UNC80: variants seen among roughly 807,000 people sequenced by gnomAD.
The protein encoded by UNC80 is protein unc-80 homolog.
UNC80 carries 164 observed loss-of-function variants against 384.6 expected under a neutral mutation model. That is an observed-to-expected ratio of 0.43 (90% confidence interval 0.38 to 0.49). The LOEUF is 0.49. UNC80 is among the 20% of genes least tolerant of loss of function. The probability of loss-of-function intolerance (pLI) is 0.00; values close to 1 mark genes in which losing one functional copy is unlikely to be tolerated. For synonymous variants in UNC80, 1,486 were observed against 1,527.8 expected (o/e 0.97, Z 0.64); for missense variants, 3,330 against 4,143.0 (o/e 0.80, Z 5.39).
intron 51 of UNC80, among the ~76,000 whole-genome samples, chr2:209,959,996 G>A (rs1233884266): frequency 6.6e-6 from 1 of 152,184 alleles, no homozygotes; most frequent in African/African-American, 2.4e-5. Context: ...TTTATCACCT[G>A]AATTCTTAGA....
At chr2:209,828,644 A>G (rs1018749785) in intron 14 of UNC80, among the ~76,000 whole-genome samples, 1 of 152,034 alleles carries the variant, frequency 6.6e-6, no homozygotes, top group Non-Finnish European at 1.5e-5. Context: ...GCCTTCCCTA[A>G]TCTGACTTCA....
chr2:209,995,406 C>G lies in UNC80; in HGVS notation c.9786C>G (p.Leu3262=). The G allele has an allele frequency of 6.4e-7, 1 of 1,551,988 alleles. No individual in the cohort carries two copies. The change falls in exon 65 of 65, where the codon CTC becomes CTG. Residue 3262 remains leucine, a synonymous_variant. Transcript: ENST00000673920. ...EAQGATAHSP[L]SAQLSDPDDF... ...AAGGTGCTACTGCACACAGTCCACTCTCTGCCCAACTCTCTGACCCTGATG... is the reference window on the plus strand; with the variant it reads ...AAGGTGCTACTGCACACAGTCCACTGTCTGCCCAACTCTCTGACCCTGATG...
At chr2:209,799,083 G>T (rs993703113) in intron 7 of UNC80, among the ~76,000 whole-genome samples, 2 of 11,758 alleles carry the variant, frequency 1.7e-4, no homozygotes, top group South Asian at 0.014. Context: ...AATAAAATAA[G>T]TGTTTTTTTT....
intron 64 of UNC80, among the ~76,000 whole-genome samples, chr2:209,994,894 A>G (rs1041782062): frequency 1.3e-5 from 2 of 151,614 alleles, no homozygotes; most frequent in African/African-American, 4.8e-5. Context: ...CTTTTTCCTC[A>G]TTGTTTTGCT....
chr2:209,942,028 A>G (rs1171812872), intron 44 of UNC80, among the ~76,000 whole-genome samples: 1 of 152,094 alleles, frequency 6.6e-6, no homozygotes, highest in Non-Finnish European at 1.5e-5. Context: ...AGACCTTCAA[A>G]TGGTTTTGAT....
At chr2:209,925,469 G>A (rs2090357714) in intron 35 of UNC80, among the ~76,000 whole-genome samples, 1 of 152,220 alleles carries the variant, frequency 6.6e-6, no homozygotes, top group African/African-American at 2.4e-5. Flanking sequence ...CAAAGCTTCT[G>A]CAATGTGGAA....
chr2:209,936,964 G>A (rs1190262595), intron 41 of UNC80, 31 bp downstream of exon 41: 2 of 1,454,632 alleles, frequency 1.4e-6, no homozygotes, highest in Admixed American at 2.0e-5. Context: ...TCCCCGTTGA[G>A]TTGTGCCAAA....
rs1424074226 is a variant in UNC80 at position 209,839,551 on chromosome 2, CTTCA to C, written c.3250+136_3250+139del. 1.9e-5 allele frequency: 19 copies of C among 987,166 alleles called. No homozygotes were observed. The African/African-American group carries it at 2.0e-4, about 10-fold the overall frequency. 61.2% of individuals were successfully genotyped at this position (987,166 alleles called of 1,614,324 possible). On this transcript the variant is annotated intron_variant, in intron 19 of 64. Coordinates refer to ENST00000673920, the MANE Select transcript of UNC80 (RefSeq NM_001371986.1). The surrounding 1 kb of genome is among the most constrained non-coding windows in gnomAD (Gnocchi z 4.1). Reference sequence around the variant, plus strand: ...CTTCAAGTCATAAGACCTAGACTGACTTCATTCATTCATTCATTTAATTTTTCCC... The same window carrying C: ...CTTCAAGTCATAAGACCTAGACTGACTTCATTCATTCATTTAATTTTTCCC...
At position 209,919,997 on chromosome 2, in the gene UNC80, G is replaced by T. The variant is rs549575623; in HGVS notation, c.5343+1334G>T. On this transcript the variant is annotated intron_variant, in intron 33 of 64. Coordinates refer to ENST00000673920, the MANE Select transcript of UNC80 (RefSeq NM_001371986.1). ...AGCTTAGCTATCTGGCTCTGAAAAT[G>T]GATTGTACTAAAAGTTCAAAAATTA... Among the ~76,000 whole-genome samples, 33 of 152,114 alleles carry T rather than the reference G, an allele frequency of 2.2e-4. No individual in the cohort carries two copies. The South Asian group carries it at 6.2e-3, about 29-fold the overall frequency.
At chr2:209,791,819 CAAAAAAAAAAAA>C (rs71043949) in intron 6 of UNC80, among the ~76,000 whole-genome samples, 3,244 of 52,194 alleles carry the variant, frequency 0.062, 168 homozygotes, top group African/African-American at 0.24. Flanking sequence ...GACTCCGTCT[CAAAAAAAAAAAA>C]AAAAAAAAAA....
intron 21 of UNC80, among the ~76,000 whole-genome samples, chr2:209,846,169 C>T (rs2082158140): frequency 6.6e-6 from 1 of 152,060 alleles, no homozygotes; most frequent in African/African-American, 2.4e-5. Context: ...AACCTTCTTA[C>T]CCTCAGTTTA....
intron 4 of UNC80, among the ~76,000 whole-genome samples, chr2:209,781,300 A>C (rs925314477): frequency 3.3e-5 from 5 of 152,194 alleles, no homozygotes; most frequent in Non-Finnish European, 7.3e-5. Context: ...TTTTACCAAG[A>C]GGGAAATTGA....
chr2:209,827,357 G>A (rs1040798474), intron 14 of UNC80, among the ~76,000 whole-genome samples: 7 of 152,144 alleles, frequency 4.6e-5, no homozygotes, highest in East Asian at 1.9e-4. Context: ...AATAAAAAGC[G>A]TCATGCTTTA....
intron 5 of UNC80, among the ~76,000 whole-genome samples, chr2:209,789,194 A>C (rs973558362): frequency 6.6e-6 from 1 of 151,938 alleles, no homozygotes; most frequent in East Asian, 1.9e-4. Flanking sequence ...TTTGTCCTTA[A>C]GTGATGCATG....
In UNC80 at chr2:209,931,364, AACACACACACAC is replaced by A. The variant is rs61386739; in HGVS notation, c.5994+352_5994+363del. On this transcript the variant is annotated intron_variant, in intron 38 of 64. Transcript: ENST00000673920. Reference sequence around the variant, plus strand: ...TCCTCTTTTCCTATCTCTATGTTTAAACACACACACACACACACACACACACACACACACACA... The same window carrying A: ...TCCTCTTTTCCTATCTCTATGTTTAAACACACACACACACACACACACACA... 6.3e-3 allele frequency among the ~76,000 whole-genome samples: 787 copies of A among 125,548 alleles called. 5 individuals are homozygous for A. The highest frequency in any genetic ancestry group is 0.019 in the African/African-American group (644 of 33,846). 82.4% of individuals were successfully genotyped at this position (125,548 alleles called of 152,430 possible).
intron 27 of UNC80, among the ~76,000 whole-genome samples, chr2:209,894,682 C>T (rs569622628): frequency 1.3e-5 from 2 of 152,270 alleles, no homozygotes; most frequent in African/African-American, 2.4e-5. Flanking sequence ...AAGGACGACA[C>T]TTTGAGCAGC....
chr2:209,788,188 G>A (rs1400079199), intron 5 of UNC80, among the ~76,000 whole-genome samples: 2 of 152,148 alleles, frequency 1.3e-5, no homozygotes, highest in African/African-American at 4.8e-5. Flanking sequence ...AGGCCGAGGT[G>A]GGCGGATCAC....
At chr2:209,900,988 G>A (rs1479158825) in intron 28 of UNC80, among the ~76,000 whole-genome samples, 2 of 152,204 alleles carry the variant, frequency 1.3e-5, no homozygotes, top group African/African-American at 4.8e-5. Flanking sequence ...GTTAGCAGAG[G>A]TTGCTTCATG....
chr2:209,776,080 A>T, intron 3 of UNC80, 35 bp downstream of exon 3: 1 of 1,612,670 alleles, frequency 6.2e-7, no homozygotes, highest in South Asian at 1.1e-5. Flanking sequence ...ATTGCATGTG[A>T]TTGCCCTTTG....
Sources: gnomAD v4.1 joint callset for allele counts (sites outside exome capture counted in the v4.1 genomes callset) on GRCh38, gnomAD v4.1.1 for gene constraint, Gnocchi (gnomAD v3.1) non-coding constraint, MANE v1.5 for transcripts, NCBI Gene and HGNC (gene_info 2026-07-23, HGNC 2026-07-21) for gene names.